Variants in LYPLAL1 observed in about 807,000 individuals in gnomAD.
LYPLAL1 encodes lysophospholipase-like protein 1.
LYPLAL1 carries 23 observed loss-of-function variants against 19.7 expected under a neutral mutation model. The ratio of observed to expected loss-of-function variants is 1.17; its 90% CI spans 0.84 to 1.65. The LOEUF (loss-of-function observed/expected upper bound fraction) is 1.65, where lower values mean the gene tolerates loss of function less well. LYPLAL1 is among the 40% of genes most tolerant of loss of function. LYPLAL1 has a pLI of 0.00. For synonymous variants in LYPLAL1, 119 were observed against 96.3 expected (o/e 1.24, Z -1.38); for missense variants, 355 against 279.4 (o/e 1.27, Z -1.93).
chr1:219,268,240 A>G, the LYPLAL1 span, among the ~76,000 whole-genome samples: 7 of 151,622 alleles, frequency 4.6e-5, no homozygotes, highest in Admixed American at 4.6e-4. Context: ...ACAATAGAGA[A>G]GTGTAAGGTG....
chr1:219,284,987 T>C, the LYPLAL1 span, among the ~76,000 whole-genome samples: 5 of 152,196 alleles, frequency 3.3e-5, no homozygotes, highest in Non-Finnish European at 5.9e-5. Flanking sequence ...AATACTAACA[T>C]GAAATTAATG....
chr1:219,373,870 AAAAAAAAAAAAC>A, the LYPLAL1 span, among the ~76,000 whole-genome samples: 3 of 22,440 alleles, frequency 1.3e-4, no homozygotes, highest in Non-Finnish European at 3.1e-4. Flanking sequence ...TGTCAAAAAA[AAAAAAAAAAAAC>A]AAAAAAAAAA....
the LYPLAL1 span, among the ~76,000 whole-genome samples, chr1:219,267,801 G>C: frequency 8.5e-5 from 13 of 152,192 alleles, no homozygotes; most frequent in African/African-American, 2.9e-4. Context: ...CCAAAATCAT[G>C]TTCTTTCTAT....
intron 2 of LYPLAL1, among the ~76,000 whole-genome samples, chr1:219,183,228 T>C (rs1656440529): frequency 6.6e-6 from 1 of 152,120 alleles, no homozygotes; most frequent in Non-Finnish European, 1.5e-5. Flanking sequence ...AGCATTTAAA[T>C]ATCCTCAAAA....
the LYPLAL1 span, among the ~76,000 whole-genome samples, chr1:219,240,170 A>G: frequency 2.0e-5 from 3 of 151,796 alleles, no homozygotes; most frequent in Admixed American, 6.6e-5. Flanking sequence ...CTTTGAAATC[A>G]CGTGTGCCCT....
At chr1:219,319,689 G>C in the LYPLAL1 span, among the ~76,000 whole-genome samples, 1 of 152,148 alleles carries the variant, frequency 6.6e-6, no homozygotes, top group African/African-American at 2.4e-5. Flanking sequence ...GGAGAAAGAG[G>C]CAAGAGTGTA....
the LYPLAL1 span, among the ~76,000 whole-genome samples, chr1:219,379,488 A>T: frequency 6.6e-6 from 1 of 152,332 alleles, no homozygotes; most frequent in South Asian, 2.1e-4. Context: ...AAGGGGGCAT[A>T]GAGTTTTTAC....
At chr1:219,383,105 G>T in the LYPLAL1 span, among the ~76,000 whole-genome samples, 41,501 of 152,072 alleles carry the variant, frequency 0.27, 6,311 homozygotes, top group Admixed American at 0.36. Flanking sequence ...TGCTCACTAC[G>T]TGGTTCCATG....
the LYPLAL1 span, among the ~76,000 whole-genome samples, chr1:219,407,166 A>T: frequency 2.6e-5 from 4 of 152,236 alleles, no homozygotes; most frequent in Admixed American, 2.0e-4. Flanking sequence ...TTGTCTTCTC[A>T]GCCAGAACTG....
chr1:219,333,410 C>T, the LYPLAL1 span, among the ~76,000 whole-genome samples: 1 of 151,958 alleles, frequency 6.6e-6, no homozygotes, highest in South Asian at 2.1e-4. Context: ...GCAGCTTGTA[C>T]AGTCATACAT....
chr1:219,328,850 G>T, the LYPLAL1 span, among the ~76,000 whole-genome samples: 3 of 151,694 alleles, frequency 2.0e-5, no homozygotes, highest in African/African-American at 4.8e-5. Flanking sequence ...TGAATACCTG[G>T]GATTGACTAA....
chr1:219,323,411 G>A, the LYPLAL1 span, among the ~76,000 whole-genome samples: 1 of 152,168 alleles, frequency 6.6e-6, no homozygotes, highest in East Asian at 1.9e-4. Context: ...TTTGAAAGAG[G>A]TTAGGGAGGA....
chr1:219,176,495 T>G (rs577508955), intron 1 of LYPLAL1, among the ~76,000 whole-genome samples: 33 of 152,348 alleles, frequency 2.2e-4, no homozygotes, highest in African/African-American at 7.7e-4. Flanking sequence ...ATGGACATTT[T>G]CAGTCGTCCT....
chr1:219,235,332 A>G, the LYPLAL1 span, among the ~76,000 whole-genome samples: 1 of 152,190 alleles, frequency 6.6e-6, no homozygotes, highest in African/African-American at 2.4e-5. Context: ...TGCACTGAGA[A>G]CATAACTTTC....
At chr1:219,378,503 G>A in the LYPLAL1 span, among the ~76,000 whole-genome samples, 2 of 152,078 alleles carry the variant, frequency 1.3e-5, no homozygotes, top group Admixed American at 6.6e-5. Flanking sequence ...TTTGGGTGAG[G>A]ACACAGCCAA....
the LYPLAL1 span, among the ~76,000 whole-genome samples, chr1:219,307,023 CAT>C: frequency 5.6e-4 from 67 of 119,432 alleles, no homozygotes; most frequent in East Asian, 1.1e-3. Context: ...TATACACATA[CAT>C]ATATATATAT....
At chr1:219,337,307 C>G in the LYPLAL1 span, among the ~76,000 whole-genome samples, 1 of 151,902 alleles carries the variant, frequency 6.6e-6, no homozygotes, top group African/African-American at 2.4e-5. Context: ...ATTATTCCAT[C>G]TAGCACAAAG....
the LYPLAL1 span, among the ~76,000 whole-genome samples, chr1:219,301,981 AAAAG>A: frequency 6.6e-6 from 1 of 152,176 alleles, no homozygotes; most frequent in Non-Finnish European, 1.5e-5. Context: ...GACAGAATGA[AAAAG>A]AGAGAGAGAG....
At chr1:219,394,270 C>T in the LYPLAL1 span, among the ~76,000 whole-genome samples, 1 of 152,006 alleles carries the variant, frequency 6.6e-6, no homozygotes, top group East Asian at 1.9e-4. Flanking sequence ...GTTATGAATT[C>T]AAATATTTGT....
Sources: allele counts gnomAD v4.1 joint callset (sites outside exome capture counted in the v4.1 genomes callset), GRCh38; gene constraint gnomAD v4.1.1; transcripts MANE v1.5; gene names NCBI Gene and HGNC (gene_info 2026-07-23, HGNC 2026-07-21).